The following ATP10B variants were observed in gnomAD, a reference collection of about 807,000 sequenced individuals.
ATP10B encodes the protein phospholipid-transporting ATPase VB.
A neutral mutation model predicts 141.2 loss-of-function variants in ATP10B; 122 were observed. The ratio of observed to expected loss-of-function variants is 0.86; its 90% confidence interval spans 0.75 to 1.00. ATP10B has a LOEUF of 1.00. Ranked by LOEUF, ATP10B falls within the 50% of genes least tolerant of loss-of-function variation. ATP10B has a pLI of 0.00. For missense variants in ATP10B, 1,876 were observed against 1,825.3 expected (o/e 1.03, Z -0.51); for synonymous variants, 685 against 692.0 (o/e 0.99, Z 0.16).
the ATP10B span, among the ~76,000 whole-genome samples, chr5:160,906,436 T>C: frequency 1.3e-5 from 2 of 152,160 alleles, no homozygotes; most frequent in Admixed American, 6.5e-5. Context: ...TTTTCTATAA[T>C]CCTTCTAAAC....
At chr5:160,642,066 G>A (rs1759907520) in intron 9 of ATP10B, among the ~76,000 whole-genome samples, 1 of 151,826 alleles carries the variant, frequency 6.6e-6, no homozygotes, top group Non-Finnish European at 1.5e-5. Flanking sequence ...AAAGAGTTGG[G>A]TTCAAGGGGA....
intron 1 of ATP10B, among the ~76,000 whole-genome samples, chr5:160,791,446 T>A (rs1771563486): frequency 1.3e-5 from 2 of 152,240 alleles, no homozygotes; most frequent in South Asian, 4.1e-4. Context: ...AAAATGACAG[T>A]GACTTGAACA....
the ATP10B span, among the ~76,000 whole-genome samples, chr5:160,904,371 G>A: frequency 2.0e-5 from 3 of 152,106 alleles, no homozygotes; most frequent in African/African-American, 7.2e-5. Context: ...CAACTGTGAG[G>A]AATAGATTTT....
intron 24 of ATP10B, 132 bp from the exon 25 acceptor site, chr5:160,569,815 C>A: frequency 1.4e-6 from 1 of 705,192 alleles, no homozygotes; most frequent in Non-Finnish European, 2.2e-6. Context: ...AAAAAGTGTG[C>A]AGCTTAATCT....
chr5:160,893,468 T>C, the ATP10B span, among the ~76,000 whole-genome samples: 1 of 152,092 alleles, frequency 6.6e-6, no homozygotes, highest in African/African-American at 2.4e-5. Flanking sequence ...CAGCGATGCA[T>C]AGCCACTGTA....
At chr5:160,849,618 T>TACACACACGCACACAC (rs1554125250) in intron 1 of ATP10B, among the ~76,000 whole-genome samples, 1 of 148,130 alleles carries the variant, frequency 6.8e-6, no homozygotes, top group Non-Finnish European at 1.5e-5. Context: ...TACTGGCAAT[T>TACACACACGCACACAC]ACACACACAC....
chr5:160,740,863 C>G (rs944896678), intron 2 of ATP10B, among the ~76,000 whole-genome samples: 1 of 152,160 alleles, frequency 6.6e-6, no homozygotes, highest in Non-Finnish European at 1.5e-5. Flanking sequence ...CCTCCATCCC[C>G]AACCTATTGT....
At chr5:160,678,636 TCAAAACAAAACAAAA>T (rs1452100883) in intron 6 of ATP10B, among the ~76,000 whole-genome samples, 1 of 152,212 alleles carries the variant, frequency 6.6e-6, no homozygotes, top group South Asian at 2.1e-4. Flanking sequence ...CAGCCTGGGC[TCAAAACAAAACAAAA>T]CAGAACAAAA....
chr5:160,613,197 T>C (rs1019166236), intron 17 of ATP10B, among the ~76,000 whole-genome samples: 12 of 152,170 alleles, frequency 7.9e-5, no homozygotes, highest in East Asian at 1.9e-4. Flanking sequence ...ACCTGGAAAA[T>C]CAGGGTGGGC....
upstream of ATP10B, among the ~76,000 whole-genome samples, chr5:160,856,533 A>G (rs973655837): frequency 7.9e-5 from 12 of 151,872 alleles, no homozygotes; most frequent in African/African-American, 2.9e-4. Flanking sequence ...GAAACTTTTA[A>G]GGCTATGTTG....
the ATP10B span, among the ~76,000 whole-genome samples, chr5:160,924,057 A>T: frequency 1.1e-4 from 16 of 152,198 alleles, no homozygotes; most frequent in African/African-American, 3.6e-4. Flanking sequence ...TCTGAATAAG[A>T]TTAGGCAAAA....
chr5:160,566,043 C>A, intron 25 of ATP10B, 143 bp from the exon 26 acceptor site: 1 of 745,084 alleles, frequency 1.3e-6, no homozygotes. Context: ...CTGGGCACCT[C>A]TAGTCTTGGG....
intron 24 of ATP10B, among the ~76,000 whole-genome samples, chr5:160,582,469 C>T (rs1028225223): frequency 6.6e-6 from 1 of 152,112 alleles, no homozygotes; most frequent in African/African-American, 2.4e-5. Flanking sequence ...AATATTGGTC[C>T]TCACTCTCTC....
chr5:160,677,067 C>A (rs2127734057), intron 6 of ATP10B, among the ~76,000 whole-genome samples: 2 of 152,230 alleles, frequency 1.3e-5, no homozygotes, highest in Middle Eastern at 6.8e-3. Context: ...AGGAGCCTCA[C>A]CTTTTGGAAT....
At chr5:160,590,160 G>A (rs1421793536) in intron 23 of ATP10B, among the ~76,000 whole-genome samples, 1 of 152,140 alleles carries the variant, frequency 6.6e-6, no homozygotes, top group Non-Finnish European at 1.5e-5. Flanking sequence ...TGGAAAGAGA[G>A]GGTAAATGCA....
At chr5:160,863,860 T>C in the ATP10B span, among the ~76,000 whole-genome samples, 15 of 151,854 alleles carry the variant, frequency 9.9e-5, no homozygotes, top group African/African-American at 3.6e-4. Flanking sequence ...GATGGATAAG[T>C]TCCTGGAAAT....
intron 2 of ATP10B, among the ~76,000 whole-genome samples, chr5:160,775,712 G>C (rs1021817390): frequency 7.1e-5 from 9 of 126,188 alleles, no homozygotes; most frequent in African/African-American, 2.7e-4. Flanking sequence ...ATGGAGTCTC[G>C]CTCTGTTGCC....
At chr5:160,911,448 CG>C in the ATP10B span, among the ~76,000 whole-genome samples, 1 of 152,156 alleles carries the variant, frequency 6.6e-6, no homozygotes, top group Non-Finnish European at 1.5e-5. Context: ...CAGAGGCTTC[CG>C]TTCACCAAAT....
the ATP10B span, among the ~76,000 whole-genome samples, chr5:160,906,424 A>C: frequency 6.6e-6 from 1 of 152,038 alleles, no homozygotes; most frequent in East Asian, 1.9e-4. Context: ...CAATTTTCAC[A>C]TTTTTCTATA....
Sources: gnomAD v4.1 joint callset for allele counts (sites outside exome capture counted in the v4.1 genomes callset) on GRCh38, gnomAD v4.1.1 for gene constraint, MANE v1.5 for transcripts, NCBI Gene and HGNC (gene_info 2026-07-23, HGNC 2026-07-21) for gene names.